The following FRMD4B variants were observed in gnomAD, a reference collection of about 807,000 sequenced individuals.
The protein encoded by FRMD4B is FERM domain-containing protein 4B.
Under a neutral mutation model 141.5 loss-of-function variants are expected in FRMD4B, and 74 were observed. The ratio of observed to expected loss-of-function variants is 0.52; its 90% CI spans 0.43 to 0.63. FRMD4B has a LOEUF of 0.63. FRMD4B is among the 30% of genes least tolerant of loss of function. The pLI is 0.00. For synonymous variants in FRMD4B, 506 were observed against 467.9 expected, an observed-to-expected ratio of 1.08 and a Z score of -1.05; for missense variants, 1,366 against 1,253.4, an observed-to-expected ratio of 1.09 and a Z score of -1.36.
chr3:69,283,978 A>AAAG (rs1277902289), intron 5 of FRMD4B, among the ~76,000 whole-genome samples: 1 of 151,822 alleles, frequency 6.6e-6, no homozygotes, highest in Admixed American at 6.6e-5. Context: ...AACAAAACAA[A>AAAG]AAAAACAAAA....
intron 1 of FRMD4B, among the ~76,000 whole-genome samples, chr3:69,457,490 A>G (rs1193288948): frequency 6.6e-6 from 1 of 152,216 alleles, no homozygotes; most frequent in Non-Finnish European, 1.5e-5. Flanking sequence ...CAGTCTTTGA[A>G]CATCTACTTG....
intron 1 of FRMD4B, among the ~76,000 whole-genome samples, chr3:69,433,449 A>G (rs1705211290): frequency 6.6e-6 from 1 of 152,202 alleles, no homozygotes; most frequent in Non-Finnish European, 1.5e-5. Context: ...CAGAAGTGGC[A>G]GATGTGGTAT....
chr3:69,173,261 T>G (rs1181249542), intron 22 of FRMD4B, among the ~76,000 whole-genome samples: 2 of 152,320 alleles, frequency 1.3e-5, no homozygotes, highest in African/African-American at 4.8e-5. Flanking sequence ...ACTAGGTAGC[T>G]TCAACATTTC....
In FRMD4B at chr3:69,242,657, C is replaced by T. The variant is rs146709780; in HGVS notation, c.581+6569G>A. ...CTTACAAGTAGAAGCACCCTAATCA[C>T]ATAGTTACTTGGTAATTTTCACCTC... On this transcript the variant is annotated intron_variant, in intron 7 of 22. Coordinates refer to ENST00000398540, the MANE Select transcript of FRMD4B (RefSeq NM_015123.3). Among the ~76,000 whole-genome samples, 1,141 of 147,574 alleles carry T rather than the reference C, an allele frequency of 7.7e-3. 8 individuals are homozygous for T. The highest frequency in any genetic ancestry group is 0.017 in the Admixed American group (252 of 14,684).
At chr3:69,444,871 G>T (rs1705388517) in intron 1 of FRMD4B, among the ~76,000 whole-genome samples, 1 of 152,120 alleles carries the variant, frequency 6.6e-6, no homozygotes, top group African/African-American at 2.4e-5. Flanking sequence ...TGCTAAACTA[G>T]ATGTAAATAG....
chr3:69,510,220 AT>A (rs924864412), intron 1 of FRMD4B, among the ~76,000 whole-genome samples: 7 of 152,110 alleles, frequency 4.6e-5, no homozygotes, highest in Non-Finnish European at 7.4e-5. Context: ...AATAATAGCG[AT>A]TTTTGTTATT....
intron 7 of FRMD4B, among the ~76,000 whole-genome samples, chr3:69,225,942 A>C (rs1361430749): frequency 6.6e-6 from 1 of 152,144 alleles, no homozygotes; most frequent in Non-Finnish European, 1.5e-5. Flanking sequence ...CTTTACCACT[A>C]GCTACCCTTC....
Position 69,481,059 on chromosome 3 carries a change from C to T in FRMD4B, c.-128-48298G>A, listed in dbSNP as rs555629947. Among the ~76,000 whole-genome samples the T allele has an allele frequency of 9.9e-5, 15 of 152,216 alleles. No homozygotes were observed. In the South Asian group the frequency reaches 1.2e-3, roughly 13 times the overall value. On this transcript the variant is annotated intron_variant, in intron 1 of 5. Transcript: ENST00000459638. ...CTGGTGCGCCGTTTTTTAAGCCCGT[C>T]GGAAAAGCCCAGTGTTAGGGTAGGA...
intron 1 of FRMD4B, among the ~76,000 whole-genome samples, chr3:69,503,804 C>T (rs938471450): frequency 1.3e-5 from 2 of 152,216 alleles, no homozygotes; most frequent in South Asian, 2.1e-4. Flanking sequence ...TATTTGTTAC[C>T]GGGCAGACCA....
At chr3:69,206,708 A>G (rs891523688) in intron 11 of FRMD4B, among the ~76,000 whole-genome samples, 12 of 152,224 alleles carry the variant, frequency 7.9e-5, no homozygotes, top group African/African-American at 2.7e-4. Flanking sequence ...AATATTTCCA[A>G]TAAAATACCT....
At chr3:69,520,500 C>T (rs76941066) in intron 1 of FRMD4B, among the ~76,000 whole-genome samples, 2,150 of 150,342 alleles carry the variant, frequency 0.014, 67 homozygotes, top group East Asian at 0.11. Context: ...AACCTCTCTT[C>T]TGGGCTACTC....
At chr3:69,285,754 G>A (rs542684468) in intron 5 of FRMD4B, among the ~76,000 whole-genome samples, 39 of 152,130 alleles carry the variant, frequency 2.6e-4, no homozygotes, top group Admixed American at 1.5e-3. Context: ...TGAGGCAGGC[G>A]AATTGCTTGA....
intron 5 of FRMD4B, among the ~76,000 whole-genome samples, chr3:69,286,558 A>G (rs1476721270): frequency 1.3e-5 from 2 of 152,326 alleles, no homozygotes; most frequent in South Asian, 2.1e-4. Flanking sequence ...AACACATAAC[A>G]TGCTCAATAA....
chr3:69,236,868 A>G (rs143635006), intron 7 of FRMD4B, among the ~76,000 whole-genome samples: 4 of 152,346 alleles, frequency 2.6e-5, no homozygotes, highest in African/African-American at 9.6e-5. Flanking sequence ...AGTTCACTCA[A>G]TGCCTAATGC....
At chr3:69,538,689 G>A (rs1701120131) in intron 1 of FRMD4B, among the ~76,000 whole-genome samples, 2 of 152,180 alleles carry the variant, frequency 1.3e-5, no homozygotes, top group Non-Finnish European at 2.9e-5. Context: ...GATAATTTCA[G>A]TAAATCCAGT....
chr3:69,454,558 G>A (rs1705555604), intron 1 of FRMD4B, among the ~76,000 whole-genome samples: 1 of 152,228 alleles, frequency 6.6e-6, no homozygotes, highest in South Asian at 2.1e-4. Flanking sequence ...CCGGCCCCGG[G>A]CAGTGAGGGG....
intron 1 of FRMD4B, among the ~76,000 whole-genome samples, chr3:69,441,782 A>G (rs1448389116): frequency 6.6e-6 from 1 of 152,212 alleles, no homozygotes; most frequent in Non-Finnish European, 1.5e-5. Flanking sequence ...TCTTATATCA[A>G]CAAAGGGGTA....
At chr3:69,523,461 T>G (rs1700883914) in intron 1 of FRMD4B, among the ~76,000 whole-genome samples, 1 of 152,106 alleles carries the variant, frequency 6.6e-6, no homozygotes, top group Admixed American at 6.6e-5. Flanking sequence ...AGCGAGACCC[T>G]CCCTCTTCTA....
intron 1 of FRMD4B, among the ~76,000 whole-genome samples, chr3:69,524,828 C>G (rs1038835788): frequency 6.6e-6 from 1 of 152,222 alleles, no homozygotes; most frequent in Non-Finnish European, 1.5e-5. Flanking sequence ...TAGGAAATGT[C>G]GCCCCTACCT....
Sources: gnomAD v4.1 joint callset for allele counts (sites outside exome capture counted in the v4.1 genomes callset) on GRCh38, gnomAD v4.1.1 for gene constraint, MANE v1.5 for transcripts, NCBI Gene and HGNC (gene_info 2026-07-23, HGNC 2026-07-21) for gene names.